The following PPFIBP2 variants were observed in gnomAD, a reference collection of about 807,000 sequenced individuals.
PPFIBP2 encodes liprin-beta-2.
Under a neutral mutation model 118.3 loss-of-function variants are expected in PPFIBP2, and 118 were observed. That is an observed-to-expected ratio of 1.00 (90% CI 0.86 to 1.16). The LOEUF (loss-of-function observed/expected upper bound fraction) is 1.16, where lower values mean the gene tolerates loss of function less well. Ranked by LOEUF, PPFIBP2 falls within the 50% of genes most tolerant of loss-of-function variation. The pLI, the probability that PPFIBP2 is intolerant of heterozygous loss-of-function variation, is 0.00. For missense variants in PPFIBP2, 1,195 were observed against 1,073.1 expected (o/e 1.11, Z -1.59); for synonymous variants, 414 against 397.4 (o/e 1.04, Z -0.50).
Position 7,653,057 on chromosome 11 carries a change from A to G in PPFIBP2, c.2470A>G (p.Ile824Val), listed in dbSNP as rs1368387721. ...ACTAGGATTTTCACACTTCGGAAACATAAGAAAAAAGAAGTTCGATGAATC... is the reference window on the plus strand; with the variant it reads ...ACTAGGATTTTCACACTTCGGAAACGTAAGAAAAAAGAAGTTCGATGAATC... ...RKLGFSHFGN[I>V]RKKKFDESTD... The change falls in exon 24 of 24, where the codon ATA becomes GTA. Residue 824 changes from isoleucine (I) to valine (V), a missense_variant. By Grantham distance (29) the Ile-to-Val change is conservative. Transcript: ENST00000299492. The G allele has an allele frequency of 1.2e-6, 2 of 1,613,054 alleles. No homozygotes were observed. Among genetic ancestry groups the G allele is most frequent in the African/African-American group, 2.7e-5 (2 of 74,908 alleles).
chr11:7,614,168 G>C (rs1343797697), intron 6 of PPFIBP2, among the ~76,000 whole-genome samples: 2 of 152,162 alleles, frequency 1.3e-5, no homozygotes, highest in African/African-American at 4.8e-5. Context: ...TTGCATCAGT[G>C]TAGGAAATAT....
intron 3 of PPFIBP2, among the ~76,000 whole-genome samples, chr11:7,579,407 C>A (rs1856929501): frequency 6.6e-6 from 1 of 152,174 alleles, no homozygotes; most frequent in Non-Finnish European, 1.5e-5. Flanking sequence ...GCTGAGATGA[C>A]CAGACGTTTT....
rs974562939 is a variant in PPFIBP2, at chr11:7,642,282, A to T, written c.1518-16A>T. On this transcript the variant is annotated splice_polypyrimidine_tract_variant and intron_variant, in intron 16 of 23. Transcript: ENST00000299492. Reference sequence around the variant, plus strand: ...GACTATTCCATGACCGTCTCCATGGATTCTTCTCCATGCAGAATCCGAAGA... The same window carrying T: ...GACTATTCCATGACCGTCTCCATGGTTTCTTCTCCATGCAGAATCCGAAGA... 2 of 1,613,522 alleles carry T rather than the reference A, an allele frequency of 1.2e-6. No homozygotes were observed. Among genetic ancestry groups the T allele is most frequent in the African/African-American group, 2.7e-5 (2 of 75,018 alleles).
At chr11:7,525,586 A>C (rs912150712) in intron 1 of PPFIBP2, among the ~76,000 whole-genome samples, 1 of 152,212 alleles carries the variant, frequency 6.6e-6, no homozygotes, top group Non-Finnish European at 1.5e-5. Context: ...AACAGCCCGG[A>C]ATCAGGTGGC....
Position 7,561,193 on chromosome 11 carries a change from G to C in PPFIBP2, c.65-4360G>C, listed in dbSNP as rs112087602. Among the ~76,000 whole-genome samples, 1,457 of 152,284 alleles carry C rather than the reference G, an allele frequency of 9.6e-3. 25 individuals are homozygous for C. The highest frequency in any genetic ancestry group is 0.032 in the African/African-American group (1,312 of 41,558). ...AGCGATTTTTCTGCCTCAGCCTTAA[G>C]TAGCTGGGGTTACAGGGGCCTGCCA... On this transcript the variant is annotated intron_variant, in intron 2 of 23. Coordinates refer to ENST00000299492, the MANE Select transcript of PPFIBP2 (RefSeq NM_003621.5).
chr11:7,554,805 A>ACTGGACTGGACTGGACTGGACTGGACTG (rs775146154), intron 2 of PPFIBP2, among the ~76,000 whole-genome samples: 158 of 151,872 alleles, frequency 1.0e-3, no homozygotes, highest in Non-Finnish European at 1.7e-3. Flanking sequence ...AGACTAGACT[A>ACTGGACTGGACTGGACTGGACTGGACTG]GACTAGACTA....
chr11:7,605,787 A>G, intron 5 of PPFIBP2: 1 of 1,389,760 alleles, frequency 7.2e-7, no homozygotes. Context: ...AGGTCAGAAG[A>G]TTGTGGCCAG....
intron 5 of PPFIBP2, among the ~76,000 whole-genome samples, chr11:7,607,233 A>G (rs1397933788): frequency 4.4e-5 from 6 of 137,094 alleles, no homozygotes; most frequent in African/African-American, 1.7e-4. Context: ...TTTTTAAGAC[A>G]GGGTCTCACT....
the PPFIBP2 span, among the ~76,000 whole-genome samples, chr11:7,664,801 G>C: frequency 5.8e-4 from 88 of 151,874 alleles, no homozygotes; most frequent in African/African-American, 2.0e-3. Context: ...GAGGTTGGCT[G>C]TCCCTCCCCC....
At chr11:7,570,071 C>A (rs1313136786) in intron 3 of PPFIBP2, among the ~76,000 whole-genome samples, 1 of 152,130 alleles carries the variant, frequency 6.6e-6, no homozygotes, top group South Asian at 2.1e-4. Flanking sequence ...GTGACCACTT[C>A]CAGGATTTTG....
At chr11:7,576,028 T>C (rs1856278649) in intron 3 of PPFIBP2, among the ~76,000 whole-genome samples, 1 of 152,258 alleles carries the variant, frequency 6.6e-6, no homozygotes, top group Admixed American at 6.5e-5. Flanking sequence ...TGGCCCAGCC[T>C]GCCGGGGACT....
Position 7,565,638 on chromosome 11 carries a change from GC to G in PPFIBP2, c.151del (p.Leu51SerfsTer7), listed in dbSNP as rs1854883793. ...CCTCCTACATGAACCCCTTCCCGGT[GC>G]TCCATCTCATCGAGGACTTGAGGCT... ...PASYMNPFPV[L>X]HLIEDLRLAL... On this transcript the variant is annotated frameshift_variant, in exon 3 of 24. Coordinates refer to ENST00000299492, the MANE Select transcript of PPFIBP2 (RefSeq NM_003621.5). LOFTEE classifies it high-confidence loss of function. The G allele has an allele frequency of 1.9e-6, 3 of 1,614,214 alleles. No individual in the cohort carries two copies. The highest frequency in any genetic ancestry group is 2.5e-6 in the Non-Finnish European group (3 of 1,180,034).
intron 17 of PPFIBP2, 61 bp downstream of exon 17, chr11:7,642,487 A>C: frequency 5.8e-6 from 9 of 1,545,050 alleles, no homozygotes; most frequent in Non-Finnish European, 7.9e-6. Flanking sequence ...TCTCCCTTCA[A>C]ACCTGCATGG....
chr11:7,578,955 G>A (rs887840925), intron 3 of PPFIBP2, among the ~76,000 whole-genome samples: 24 of 152,016 alleles, frequency 1.6e-4, no homozygotes, highest in Non-Finnish European at 2.6e-4. Flanking sequence ...CTGGGATCAC[G>A]CAGGACAGTG....
the PPFIBP2 span, among the ~76,000 whole-genome samples, chr11:7,664,439 C>A: frequency 1.3e-5 from 2 of 152,134 alleles, no homozygotes; most frequent in Non-Finnish European, 2.9e-5. Flanking sequence ...GTGATGGAGG[C>A]TCTCCTGTGG....
At chr11:7,601,502 A>G (rs1049182646) in intron 5 of PPFIBP2, among the ~76,000 whole-genome samples, 1 of 152,192 alleles carries the variant, frequency 6.6e-6, no homozygotes, top group Non-Finnish European at 1.5e-5. Context: ...GACAGCTACA[A>G]GCATCTCATA....
rs1478310106 is a variant in PPFIBP2, at chr11:7,653,374, G to A, written c.*156G>A. ...GGGCCAGTCTCTTTGAACCCTGAGG[G>A]TGGCCAGGATCTGGAGCTGCATCTC... is the stretch of plus-strand genomic sequence containing the variant. On this transcript the variant is annotated 3_prime_UTR_variant, in exon 24 of 24. Transcript: ENST00000299492. 1.9e-5 allele frequency: 28 copies of A among 1,483,542 alleles called. No homozygotes were observed. 91.9% of individuals were successfully genotyped at this position (1,483,542 alleles called of 1,614,324 possible). A position where few individuals can be genotyped will look rare whatever the true frequency, so the allele number is the denominator to read the frequency against.
the PPFIBP2 span, chr11:7,665,990 G>T: frequency 7.4e-7 from 1 of 1,344,050 alleles, no homozygotes; most frequent in Non-Finnish European, 1.0e-6. Context: ...CGCGCCTGTG[G>T]GGTGCTCTGT....
chr11:7,659,092 T>C (rs1293648081), downstream of PPFIBP2, among the ~76,000 whole-genome samples: 4 of 148,222 alleles, frequency 2.7e-5, no homozygotes, highest in East Asian at 5.8e-4. Flanking sequence ...ATTTTGTAGG[T>C]TGCCTGTTCA....
Sources: gnomAD v4.1 joint callset for allele counts (sites outside exome capture counted in the v4.1 genomes callset) on GRCh38, gnomAD v4.1.1 for gene constraint, MANE v1.5 for transcripts, NCBI Gene and HGNC (gene_info 2026-07-23, HGNC 2026-07-21) for gene names.